The following KRT76 variants were observed in gnomAD, a reference collection of about 807,000 sequenced individuals.
KRT76 encodes the protein keratin 76, also known as keratin, type II cytoskeletal 2 oral.
KRT76 carries 47 observed loss-of-function variants against 44.9 expected under a neutral mutation model. The observed-to-expected ratio is 1.05, with a 90% CI of 0.83 to 1.33. The LOEUF is 1.33. Ranked by LOEUF, KRT76 falls within the 40% of genes most tolerant of loss-of-function variation. The probability of loss-of-function intolerance (pLI) is 0.00; values close to 1 mark genes in which losing one functional copy is unlikely to be tolerated. For missense variants in KRT76, 860 were observed against 775.8 expected (o/e 1.11, Z -1.29); for synonymous variants, 331 against 294.1 (o/e 1.13, Z -1.28).
rs1358112408 is a variant in KRT76, at chr12:52,772,112, C to T, written c.1119G>A (p.Glu373=). The change falls in exon 5 of 9, where the codon GAG becomes GAA. Residue 373 remains glutamate, a synonymous_variant. Coordinates refer to ENST00000332411, the MANE Select transcript of KRT76 (RefSeq NM_015848.4). ...EIAQRSKSEA[E]ALYQTKLGEL... Reference sequence around the variant, plus strand: ...TTCCCACCTTGGTCTGGTACAGGGCCTCAGCTTCAGACTTGCTCCTCTGGG... The same window carrying T: ...TTCCCACCTTGGTCTGGTACAGGGCTTCAGCTTCAGACTTGCTCCTCTGGG... 4.3e-6 allele frequency: 7 copies of T among 1,611,412 alleles called. No homozygotes were observed. Among genetic ancestry groups the T allele is most frequent in the Non-Finnish European group, 5.9e-6 (7 of 1,178,518 alleles).
At position 52,771,791 on chromosome 12, in the gene KRT76, T is replaced by A. The variant is rs1939184821; in HGVS notation, c.1263+80A>T. 1.3e-5 allele frequency: 19 copies of A among 1,497,714 alleles called. No homozygotes were observed. The East Asian group carries it at 4.3e-4, about 34-fold the overall frequency. The allele number at this position is 1,497,714 out of a possible 1,614,324, so 92.8% of individuals were successfully genotyped here. Reference sequence around the variant, plus strand: ...ACCATGAAAGGATGGAGAGAGCATGTAGCAGAGGAGCAGAGCTTATGCTGC... The same window carrying A: ...ACCATGAAAGGATGGAGAGAGCATGAAGCAGAGGAGCAGAGCTTATGCTGC... On this transcript the variant is annotated intron_variant, in intron 6 of 8. Coordinates refer to ENST00000332411, the MANE Select transcript of KRT76 (RefSeq NM_015848.4).
intron 2 of KRT76, 38 bp downstream of exon 2, chr12:52,775,350 T>C (rs995644962): frequency 2.5e-6 from 4 of 1,589,454 alleles, no homozygotes; most frequent in African/African-American, 1.3e-5. Flanking sequence ...TCCCTGCTAA[T>C]TCCCCAGAAG....
At position 52,771,930 on chromosome 12, in the gene KRT76, T is replaced by C; in HGVS notation, c.1204A>G (p.Met402Val). Residue 402 changes from methionine to valine, a missense_variant, in exon 6 of 9, where the codon ATG becomes GTG. By Grantham distance (21) the Met-to-Val change is conservative. Transcript: ENST00000332411. ...DDLRNTKSEIMELNRMIQRLR... is the reference protein window; with the variant it reads ...DDLRNTKSEIVELNRMIQRLR... ...CTCTGGATCATCCTGTTGAGCTCCA[T>C]GATCTCACTCTTGGTGTTCCTCAGG... 1 of 1,614,190 alleles carries C rather than the reference T, an allele frequency of 6.2e-7. No homozygotes were observed. The highest frequency in any genetic ancestry group is 8.5e-7 in the Non-Finnish European group (1 of 1,180,010).
chr12:52,773,728 G>T, intron 2 of KRT76, 86 bp from the exon 3 acceptor site: 1 of 1,131,454 alleles, frequency 8.8e-7, no homozygotes, highest in Non-Finnish European at 1.3e-6. Flanking sequence ...CTCCTCACCT[G>T]CGCAGAGACA....
rs767190276 is a variant in KRT76 at position 52,777,304 on chromosome 12, T to G, written c.-13A>C. The stretch of plus-strand genomic sequence containing the variant: ...CTTGTCTGTTCATAGTGAGAGAGCT[T>G]GGAGGCAAGCTAGTGATCACTTAGC... On this transcript the variant is annotated 5_prime_UTR_variant, in exon 1 of 9. Transcript: ENST00000332411. 1 of 1,613,746 alleles carries G rather than the reference T, an allele frequency of 6.2e-7. No individual in the cohort carries two copies. The highest frequency in any genetic ancestry group is 1.1e-5 in the South Asian group (1 of 91,072).
Position 52,771,824 on chromosome 12 carries a change from C to T in KRT76, c.1263+47G>A, listed in dbSNP as rs139623608. ...GAGCAGAGCTTATGCTGCTTCTCTC[C>T]GGGGCCCAGAAGACCTCTGGGATCT... On this transcript the variant is annotated intron_variant, in intron 6 of 8. Coordinates refer to ENST00000332411, the MANE Select transcript of KRT76 (RefSeq NM_015848.4). 3.0e-4 allele frequency: 484 copies of T among 1,588,048 alleles called. 3 individuals are homozygous for T. The African/African-American group carries it at 5.5e-3, about 18-fold the overall frequency.
chr12:52,773,703 A>C, intron 2 of KRT76, 61 bp from the exon 3 acceptor site: 2 of 1,434,346 alleles, frequency 1.4e-6, no homozygotes, highest in African/African-American at 2.8e-5. Flanking sequence ...AAGAGAGGTG[A>C]GGATTCCAGG....
chr12:52,771,976 T>G lies in KRT76; in HGVS notation c.1158A>C (p.Thr386=). The G allele has an allele frequency of 1.2e-6, 2 of 1,614,108 alleles. No homozygotes were observed. Among genetic ancestry groups the G allele is most frequent in the Non-Finnish European group, 8.5e-7 (1 of 1,180,002 alleles). Residue 386 remains threonine, a synonymous_variant, in exon 6 of 9, where the codon ACA becomes ACC. Transcript: ENST00000332411. ...YQTKLGELQT[T]AGRHGDDLRN... ...TCAGGTCATCCCCATGCCTGCCAGCTGTGGTCTGCAGCTCCCCAAGCTGAC... is the reference window on the plus strand; with the variant it reads ...TCAGGTCATCCCCATGCCTGCCAGCGGTGGTCTGCAGCTCCCCAAGCTGAC...
At chr12:52,773,673 C>A in intron 2 of KRT76, 31 bp from the exon 3 acceptor site, 1 of 1,589,018 alleles carries the variant, frequency 6.3e-7, no homozygotes, top group Non-Finnish European at 8.6e-7. Context: ...CATTTGAACA[C>A]TGGCATTTCA....
At chr12:52,774,734 T>C (rs2121196144) in intron 2 of KRT76, among the ~76,000 whole-genome samples, 1 of 152,294 alleles carries the variant, frequency 6.6e-6, no homozygotes, top group East Asian at 1.9e-4. Flanking sequence ...TGTGGTTGAA[T>C]TGGAATAGGG....
Position 52,768,571 on chromosome 12 carries a change from C to T in KRT76, c.*142G>A. On this transcript the variant is annotated 3_prime_UTR_variant, in exon 9 of 9. Transcript: ENST00000332411. ...TGGGAAGGTCATGGGGATGGAGAAA[C>T]CAGGAGTTCAGCTTCTTCTCCAGGG... The T allele has an allele frequency of 1.0e-6, 1 of 955,140 alleles. No individual in the cohort carries two copies. Among genetic ancestry groups the T allele is most frequent in the Non-Finnish European group, 1.6e-6 (1 of 638,326 alleles). The allele number at this position is 955,140 out of a possible 1,614,324, so 59.2% of individuals were successfully genotyped here.
intron 8 of KRT76, among the ~76,000 whole-genome samples, 163 bp downstream of exon 8, chr12:52,769,386 C>T (rs1939144355): frequency 6.6e-6 from 1 of 152,196 alleles, no homozygotes; most frequent in African/African-American, 2.4e-5. Context: ...TCAGCTTACA[C>T]TAGGGGCAGA....
At position 52,769,026 on chromosome 12, in the gene KRT76, C is replaced by T. The variant is rs1939138528; in HGVS notation, c.1604G>A (p.Gly535Asp). The T allele has an allele frequency of 2.6e-6, 2 of 768,654 alleles. No individual in the cohort carries two copies. The highest frequency in any genetic ancestry group is 2.9e-5 in the South Asian group (2 of 68,562). 47.6% of individuals were successfully genotyped at this position (768,654 alleles called of 1,614,324 possible). Residue 535 changes from glycine (G) to aspartate (D), a missense_variant, in exon 9 of 9, where the codon GGT becomes GAT. By Grantham distance (94) the Gly-to-Asp change is moderately conservative. Coordinates refer to ENST00000332411, the MANE Select transcript of KRT76 (RefSeq NM_015848.4). ...VFGGVSGSGSGGYKGGSSSSS... is the reference protein window; with the variant it reads ...VFGGVSGSGSDGYKGGSSSSS... The stretch of plus-strand genomic sequence containing the variant: ...GCTGCTGCTGCCGCCTTTGTAGCCA[C>T]CACTGCCACTGCCACTGACCCCTCC...
Position 52,772,156 on chromosome 12 carries a change from C to T in KRT76, c.1075G>A (p.Ala359Thr), listed in dbSNP as rs6580904. The change falls in exon 5 of 9, where the codon GCC (alanine) becomes ACC (threonine). Residue 359 changes from alanine to threonine, a missense_variant. Coordinates refer to ENST00000332411, the MANE Select transcript of KRT76 (RefSeq NM_015848.4). ...DLGSIIAEVR[A>T]QYEEIAQRSK... is the part of the protein sequence containing the mutation. Reference sequence around the variant, plus strand: ...CTCTGGGCAATCTCCTCATACTGGGCGCGGACCTCGGCAATGATGCTGCCC... The same window carrying T: ...CTCTGGGCAATCTCCTCATACTGGGTGCGGACCTCGGCAATGATGCTGCCC... 1,270,666 of 1,613,472 alleles carry T rather than the reference C, an allele frequency of 0.79. 509,189 individuals carry two copies. Among genetic ancestry groups the T allele is most frequent in the Non-Finnish European group, 0.83 (983,133 of 1,179,706 alleles).
chr12:52,771,085 A>G lies in KRT76; in HGVS notation c.1398T>C (p.Arg466=), dbSNP rs769051507. Residue 466 remains arginine, a synonymous_variant, in exon 7 of 9, where the codon CGT becomes CGC. Coordinates refer to ENST00000332411, the MANE Select transcript of KRT76 (RefSeq NM_015848.4). The part of the protein sequence containing the change: ...KAKDDLARLL[R]DYQELMNVKL... ...TGACGTTCATCAGCTCCTGGTAGTC[A>G]CGCAGGAGCCGAGCCAGGTCATCCT... 49 of 1,613,980 alleles carry G rather than the reference A, an allele frequency of 3.0e-5. No homozygotes were observed. The highest frequency in any genetic ancestry group is 3.9e-5 in the Non-Finnish European group (46 of 1,180,018).
chr12:52,774,790 G>A (rs1369044224), intron 2 of KRT76, among the ~76,000 whole-genome samples: 1 of 151,862 alleles, frequency 6.6e-6, no homozygotes, highest in Admixed American at 6.5e-5. Context: ...CTGATCCCTG[G>A]GGAAGTCGGG....
intron 3 of KRT76, 84 bp from the exon 4 acceptor site, chr12:52,772,962 CTT>C: frequency 1.1e-6 from 1 of 891,034 alleles, no homozygotes; most frequent in Non-Finnish European, 1.9e-6. Flanking sequence ...CATGTCTCGT[CTT>C]TGTTCCGCCC....
At chr12:52,770,206 C>T (rs988051620) in intron 7 of KRT76, among the ~76,000 whole-genome samples, 4 of 152,164 alleles carry the variant, frequency 2.6e-5, no homozygotes, top group African/African-American at 9.7e-5. Context: ...TGACCATTCC[C>T]TCCTCATCCC....
At position 52,770,979 on chromosome 12, in the gene KRT76, G is replaced by A; in HGVS notation, c.1484+20C>T. ...ACTCTAAAACCATATCTGGAGAATG[G>A]TGATCCCATGGCCCCTCACCTGCAC... On this transcript the variant is annotated intron_variant, in intron 7 of 8. Coordinates refer to ENST00000332411, the MANE Select transcript of KRT76 (RefSeq NM_015848.4). 1.2e-6 allele frequency: 2 copies of A among 1,613,864 alleles called. No individual in the cohort carries two copies. Among genetic ancestry groups the A allele is most frequent in the Non-Finnish European group, 1.7e-6 (2 of 1,179,852 alleles).
Sources: gnomAD v4.1 joint callset for allele counts (sites outside exome capture counted in the v4.1 genomes callset) on GRCh38, gnomAD v4.1.1 for gene constraint, MANE v1.5 for transcripts, NCBI Gene and HGNC (gene_info 2026-07-23, HGNC 2026-07-21) for gene names.